TMCO4: variants seen among roughly 807,000 people sequenced by gnomAD.
TMCO4 encodes transmembrane and coiled-coil domains 4.
Under a neutral mutation model 64.7 loss-of-function variants are expected in TMCO4, and 58 were observed. That is an observed-to-expected ratio of 0.90 (90% confidence interval 0.73 to 1.12). TMCO4 has a LOEUF of 1.12. Ranked by LOEUF, TMCO4 falls within the 50% of genes most tolerant of loss-of-function variation. TMCO4 has a pLI of 0.00. For synonymous variants in TMCO4, 325 were observed against 346.1 expected (o/e 0.94, Z 0.68); for missense variants, 780 against 825.9 (o/e 0.94, Z 0.68).
Position 19,700,780 on chromosome 1 carries a change from T to C in TMCO4, c.1370A>G (p.Asn457Ser), listed in dbSNP as rs2095266447. ...GGTTTGGACAGACCTGCAGTAGCCGTTGATGATCCTCCCGGACACCACCTT... is the reference window on the plus strand; with the variant it reads ...GGTTTGGACAGACCTGCAGTAGCCGCTGATGATCCTCCCGGACACCACCTT... ...FRKVVSGRII[N>S]GYCRGDWLLS... The change falls in exon 14 of 16, where the codon AAC (asparagine) becomes AGC (serine). Residue 457 changes from asparagine (N) to serine (S), a missense_variant. Coordinates refer to ENST00000294543, the MANE Select transcript of TMCO4 (RefSeq NM_181719.7). The C allele has an allele frequency of 1.2e-6, 2 of 1,614,150 alleles. No individual in the cohort carries two copies. The highest frequency in any genetic ancestry group is 1.7e-6 in the Non-Finnish European group (2 of 1,179,972).
chr1:19,704,264 A>G (rs2095290563), intron 13 of TMCO4, among the ~76,000 whole-genome samples: 1 of 152,230 alleles, frequency 6.6e-6, no homozygotes, highest in South Asian at 2.1e-4. Context: ...GTTTGTGGTG[A>G]ATAGCAAGGA....
Position 19,744,241 on chromosome 1 carries a change from C to T in TMCO4, c.877+1291G>A, listed in dbSNP as rs144717111. Among the ~76,000 whole-genome samples the T allele has an allele frequency of 3.8e-4, 58 of 152,280 alleles. 1 individual carries two copies. The East Asian group carries it at 8.9e-3, about 23-fold the overall frequency. On this transcript the variant is annotated intron_variant, in intron 10 of 15. Transcript: ENST00000294543. ...TGTTGAGCCTCTCGCTGGGCACTTG[C>T]AGGGGTCAAGTAACAAGTGGACCAT...
chr1:19,695,479 C>T (rs1388691691), intron 14 of TMCO4, among the ~76,000 whole-genome samples: 2 of 152,238 alleles, frequency 1.3e-5, no homozygotes, highest in Non-Finnish European at 2.9e-5. Flanking sequence ...CAACTCAGCC[C>T]ATTCTGCTGT....
Position 19,742,159 on chromosome 1 carries a change from C to T in TMCO4, c.878-1218G>A, listed in dbSNP as rs145933517. ...CTTGCCCTTGAGATTCCAGTCCAAT[C>T]GCCTCTTCCACGGGGAAGCCTTCCC... On this transcript the variant is annotated intron_variant, in intron 10 of 15. Coordinates refer to ENST00000294543, the MANE Select transcript of TMCO4 (RefSeq NM_181719.7). 6.1e-3 allele frequency among the ~76,000 whole-genome samples: 931 copies of T among 152,260 alleles called. 13 individuals are homozygous for T. Among genetic ancestry groups the T allele is most frequent in the African/African-American group, 0.02 (847 of 41,548 alleles).
chr1:19,798,616 A>G (rs1375543163), intron 1 of TMCO4, among the ~76,000 whole-genome samples: 1 of 152,158 alleles, frequency 6.6e-6, no homozygotes, highest in Non-Finnish European at 1.5e-5. Context: ...ACCTGAGCCC[A>G]TCTCTGTCTG....
At chr1:19,717,235 C>T (rs185771051) in intron 13 of TMCO4, among the ~76,000 whole-genome samples, 159 of 152,034 alleles carry the variant, frequency 1.0e-3, no homozygotes, top group African/African-American at 3.6e-3. Context: ...AAGAGGAATC[C>T]AGGACTAGAG....
intron 6 of TMCO4, among the ~76,000 whole-genome samples, chr1:19,762,887 G>A (rs889903521): frequency 6.6e-6 from 1 of 152,134 alleles, no homozygotes; most frequent in African/African-American, 2.4e-5. Flanking sequence ...GTCAATCCCC[G>A]CCCTTTGGGG....
intron 6 of TMCO4, among the ~76,000 whole-genome samples, chr1:19,767,947 C>G (rs1409817957): frequency 6.6e-6 from 1 of 152,118 alleles, no homozygotes; most frequent in African/African-American, 2.4e-5. Context: ...CAAAAATTAG[C>G]CAGGCGTGAT....
intron 13 of TMCO4, among the ~76,000 whole-genome samples, chr1:19,718,376 A>G (rs2095366362): frequency 6.6e-6 from 1 of 151,224 alleles, no homozygotes; most frequent in South Asian, 2.1e-4. Flanking sequence ...AAAATGGAAA[A>G]TGAAGCCATG....
At chr1:19,700,990 G>T (rs1293170827) in intron 13 of TMCO4, 105 bp from the exon 14 acceptor site, 3 of 839,920 alleles carry the variant, frequency 3.6e-6, no homozygotes, top group African/African-American at 3.4e-5. Context: ...ACATACACAT[G>T]CACACACGTG....
intron 13 of TMCO4, among the ~76,000 whole-genome samples, chr1:19,722,480 G>T (rs1465858873): frequency 1.3e-5 from 2 of 152,168 alleles, no homozygotes; most frequent in Non-Finnish European, 2.9e-5. Flanking sequence ...GGTATCGTTT[G>T]ATCTACATTA....
chr1:19,727,252 G>A (rs891446194), intron 13 of TMCO4, among the ~76,000 whole-genome samples: 2 of 152,178 alleles, frequency 1.3e-5, no homozygotes. Context: ...AGGACAGGAC[G>A]TGCAGACAAA....
intron 6 of TMCO4, among the ~76,000 whole-genome samples, chr1:19,761,302 C>T (rs1033304593): frequency 2.0e-5 from 3 of 152,230 alleles, no homozygotes; most frequent in African/African-American, 4.8e-5. Flanking sequence ...CCCCGAAGCC[C>T]GCCCATGCTT....
intron 6 of TMCO4, among the ~76,000 whole-genome samples, chr1:19,761,379 C>G (rs1318384838): frequency 5.9e-5 from 9 of 152,222 alleles, no homozygotes; most frequent in Non-Finnish European, 1.2e-4. Context: ...GCTGCAACAT[C>G]CCCCCATTGC....
intron 13 of TMCO4, among the ~76,000 whole-genome samples, chr1:19,711,531 C>T (rs1307446430): frequency 6.6e-6 from 1 of 152,192 alleles, no homozygotes; most frequent in Non-Finnish European, 1.5e-5. Context: ...CTCTGTCACC[C>T]AGGCTGGAGT....
At chr1:19,709,444 C>T (rs1191410558) in intron 13 of TMCO4, among the ~76,000 whole-genome samples, 1 of 151,296 alleles carries the variant, frequency 6.6e-6, no homozygotes, top group East Asian at 2.0e-4. Context: ...AATGTAATGT[C>T]TGCTGTCTGC....
At chr1:19,702,008 A>C (rs952418848) in intron 13 of TMCO4, among the ~76,000 whole-genome samples, 22 of 152,118 alleles carry the variant, frequency 1.4e-4, no homozygotes, top group Non-Finnish European at 2.6e-4. Flanking sequence ...CTCGCTCTGT[A>C]GCCCAGGCTG....
intron 14 of TMCO4, among the ~76,000 whole-genome samples, chr1:19,700,389 C>A (rs1264072536): frequency 6.6e-6 from 1 of 152,158 alleles, no homozygotes; most frequent in Non-Finnish European, 1.5e-5. Flanking sequence ...ACACAGAAGC[C>A]TCTCAGACCT....
intron 2 of TMCO4, among the ~76,000 whole-genome samples, chr1:19,790,586 T>C (rs979453083): frequency 1.3e-5 from 2 of 151,740 alleles, no homozygotes; most frequent in African/African-American, 2.4e-5. Context: ...ATTAGAGACA[T>C]GCAAATCAAA....
Sources: gnomAD v4.1 joint callset for allele counts (sites outside exome capture counted in the v4.1 genomes callset) on GRCh38, gnomAD v4.1.1 for gene constraint, MANE v1.5 for transcripts, NCBI Gene and HGNC (gene_info 2026-07-23, HGNC 2026-07-21) for gene names.